The following PARD3B variants were observed in gnomAD, a reference collection of about 807,000 sequenced individuals.
PARD3B encodes the protein partitioning defective 3 homolog B.
PARD3B carries 103 observed loss-of-function variants against 130.2 expected under a neutral mutation model. The observed-to-expected ratio is 0.79, with a 90% CI of 0.67 to 0.93. The LOEUF (loss-of-function observed/expected upper bound fraction) is 0.93, where lower values mean the gene tolerates loss of function less well. Ranked by LOEUF, PARD3B falls within the 40% of genes least tolerant of loss-of-function variation. PARD3B has a pLI of 0.00. For missense variants in PARD3B, 1,609 were observed against 1,499.2 expected (o/e 1.07, Z -1.21); for synonymous variants, 583 against 553.2 (o/e 1.05, Z -0.76).
intron 20 of PARD3B, among the ~76,000 whole-genome samples, chr2:205,464,098 C>A (rs567454610): frequency 6.6e-6 from 1 of 152,034 alleles, no homozygotes; most frequent in South Asian, 2.1e-4. Context: ...GTGGATACTT[C>A]TTAAGTCTGA....
chr2:205,333,465 A>T (rs2043205596), intron 18 of PARD3B, among the ~76,000 whole-genome samples: 1 of 152,150 alleles, frequency 6.6e-6, no homozygotes, highest in Admixed American at 6.5e-5. Flanking sequence ...TAAAAGTTAC[A>T]TGTGTGACTC....
At chr2:205,043,907 C>T (rs1049457354) in intron 3 of PARD3B, among the ~76,000 whole-genome samples, 1 of 150,872 alleles carries the variant, frequency 6.6e-6, no homozygotes, top group Non-Finnish European at 1.5e-5. Flanking sequence ...CTGCACCCAC[C>T]AACTCGTCAT....
intron 22 of PARD3B, among the ~76,000 whole-genome samples, chr2:205,574,603 G>A (rs138279259): frequency 3.3e-4 from 50 of 152,204 alleles, no homozygotes; most frequent in African/African-American, 8.7e-4. Flanking sequence ...AGCATTTACA[G>A]GAATCAATAA....
chr2:205,542,354 TTGTGTGTGTGTGTGTGTG>T (rs143438143), intron 21 of PARD3B, among the ~76,000 whole-genome samples: 57 of 145,208 alleles, frequency 3.9e-4, no homozygotes, highest in African/African-American at 1.5e-3. Context: ...TAGTTTGTGT[TTGTGTGTGTGTGTGTGTG>T]TGTGTGTGTG....
In PARD3B at chr2:205,447,657, G is replaced by A. The variant is rs369485251; in HGVS notation, c.3044+6985G>A. Among the ~76,000 whole-genome samples, 272 of 152,292 alleles carry A rather than the reference G, an allele frequency of 1.8e-3. 1 individual carries two copies. Among genetic ancestry groups the A allele is most frequent in the African/African-American group, 6.3e-3 (260 of 41,568 alleles). ...CTCCCAAAGTGCTAGGATTATGGGCGTGAGCCACCGCACCCGGCTGATTTA... is the reference window on the plus strand; with the variant it reads ...CTCCCAAAGTGCTAGGATTATGGGCATGAGCCACCGCACCCGGCTGATTTA... On this transcript the variant is annotated intron_variant, in intron 20 of 22. Transcript: ENST00000406610.
At chr2:205,465,403 G>T (rs2048586426) in intron 20 of PARD3B, among the ~76,000 whole-genome samples, 1 of 152,136 alleles carries the variant, frequency 6.6e-6, no homozygotes, top group Non-Finnish European at 1.5e-5. Context: ...TTGTACGCCT[G>T]AATAAAGAGC....
At chr2:204,782,531 G>A (rs10192639) in intron 2 of PARD3B, among the ~76,000 whole-genome samples, 136,049 of 149,222 alleles carry the variant, frequency 0.91, 62,200 homozygotes, top group Middle Eastern at 0.97. Flanking sequence ...TAATCGGTAT[G>A]TTATTACATA....
At chr2:204,979,734 T>C (rs1183836630) in intron 3 of PARD3B, among the ~76,000 whole-genome samples, 3 of 152,188 alleles carry the variant, frequency 2.0e-5, no homozygotes, top group Non-Finnish European at 4.4e-5. Flanking sequence ...CTCACAGATA[T>C]AATCATTTGG....
In PARD3B at chr2:205,458,558, T is replaced by C. The variant is rs1329839470; in HGVS notation, c.3044+17886T>C. On this transcript the variant is annotated intron_variant, in intron 20 of 22. Coordinates refer to ENST00000406610, the MANE Select transcript of PARD3B (RefSeq NM_001302769.2). The surrounding 1 kb of genome is among the most constrained non-coding windows in gnomAD (Gnocchi z 4.8). ...TTTTCAGTTTTAGGTGTCTATTTGT[T>C]TGTTTTACCCTGAGATGCTACTTCT... Among the ~76,000 whole-genome samples the C allele has an allele frequency of 6.6e-6, 1 of 152,182 alleles. No homozygotes were observed. Among genetic ancestry groups the C allele is most frequent in the Non-Finnish European group, 1.5e-5 (1 of 68,012 alleles).
intron 2 of PARD3B, among the ~76,000 whole-genome samples, chr2:204,888,741 A>AG (rs2046348018): frequency 6.6e-6 from 1 of 151,774 alleles, no homozygotes; most frequent in Non-Finnish European, 1.5e-5. Flanking sequence ...AAAAAAAAAA[A>AG]AAAAAAAAAT....
intron 1 of PARD3B, among the ~76,000 whole-genome samples, chr2:204,574,403 A>T (rs920622579): frequency 6.6e-6 from 1 of 152,216 alleles, no homozygotes; most frequent in Admixed American, 6.5e-5. Flanking sequence ...TGGTTTTGAC[A>T]GAATGACTTT....
intron 21 of PARD3B, among the ~76,000 whole-genome samples, chr2:205,504,470 G>C (rs556614271): frequency 6.6e-6 from 1 of 152,248 alleles, no homozygotes; most frequent in Non-Finnish European, 1.5e-5. Context: ...TACAGAATGG[G>C]AGAAAATTTT....
chr2:205,379,477 T>A (rs1251112389), intron 18 of PARD3B, among the ~76,000 whole-genome samples: 3 of 151,966 alleles, frequency 2.0e-5, no homozygotes, highest in Non-Finnish European at 4.4e-5. Flanking sequence ...TATTTGGGGT[T>A]TTTTTTAAAA....
chr2:204,813,728 T>C (rs2043045879), intron 2 of PARD3B, among the ~76,000 whole-genome samples: 1 of 152,132 alleles, frequency 6.6e-6, no homozygotes, highest in Non-Finnish European at 1.5e-5. Context: ...TTTTTTTACA[T>C]GGATATTCAG....
At position 204,944,625 on chromosome 2, in the gene PARD3B, G is replaced by A. The variant is rs6435263; in HGVS notation, c.223-20527G>A. ...CTATTTTATAATTTTATATTTTAATGCAGCTATTTAATCCAATGTTGATAT... is the reference window on the plus strand; with the variant it reads ...CTATTTTATAATTTTATATTTTAATACAGCTATTTAATCCAATGTTGATAT... On this transcript the variant is annotated intron_variant, in intron 2 of 22. Coordinates refer to ENST00000406610, the MANE Select transcript of PARD3B (RefSeq NM_001302769.2). Among the ~76,000 whole-genome samples, 4 of 152,214 alleles carry A rather than the reference G, an allele frequency of 2.6e-5. No individual in the cohort carries two copies. The East Asian group carries it at 7.7e-4, about 29-fold the overall frequency.
At chr2:205,032,909 G>A (rs1436528084) in intron 3 of PARD3B, among the ~76,000 whole-genome samples, 2 of 152,134 alleles carry the variant, frequency 1.3e-5, no homozygotes, top group African/African-American at 4.8e-5. Context: ...TTGACTTGTG[G>A]ATGTTTCTCA....
At chr2:205,556,595 T>C (rs1455258033) in intron 22 of PARD3B, among the ~76,000 whole-genome samples, 1 of 152,366 alleles carries the variant, frequency 6.6e-6, no homozygotes, top group East Asian at 1.9e-4. Context: ...TGTTAAGCAA[T>C]GTTAAATCTC....
intron 18 of PARD3B, among the ~76,000 whole-genome samples, chr2:205,360,725 A>G (rs2044358064): frequency 6.6e-6 from 1 of 152,088 alleles, no homozygotes; most frequent in Non-Finnish European, 1.5e-5. Context: ...CAGGTCTGTG[A>G]CACACTAGCT....
intron 1 of PARD3B, among the ~76,000 whole-genome samples, chr2:204,641,761 T>C (rs1332966982): frequency 2.0e-5 from 3 of 152,196 alleles, no homozygotes; most frequent in East Asian, 3.9e-4. Context: ...TTTAGAATGC[T>C]GAAAATAAGT....
Sources: allele counts gnomAD v4.1 joint callset (sites outside exome capture counted in the v4.1 genomes callset), GRCh38; gene constraint gnomAD v4.1.1; non-coding constraint Gnocchi (gnomAD v3.1); transcripts MANE v1.5; gene names NCBI Gene and HGNC (gene_info 2026-07-23, HGNC 2026-07-21).